Variants in PCDHGA3 observed in about 807,000 individuals in gnomAD.
The protein encoded by PCDHGA3 is protocadherin gamma subfamily A, 3.
In PCDHGA3, 40 loss-of-function variants were observed where a neutral mutation model predicts 58.5. That is an observed-to-expected ratio of 0.68 (90% CI 0.53 to 0.89). The LOEUF (loss-of-function observed/expected upper bound fraction) is 0.89, where lower values mean the gene tolerates loss of function less well. PCDHGA3 is among the 40% of genes least tolerant of loss of function. The pLI, the probability that PCDHGA3 is intolerant of heterozygous loss-of-function variation, is 0.00. For synonymous variants in PCDHGA3, 530 were observed against 525.7 expected (o/e 1.01, Z -0.11); for missense variants, 1,223 against 1,195.9 (o/e 1.02, Z -0.33).
At chr5:141,347,597 G>A (rs2149745917) in intron 1 of PCDHGA3, among the ~76,000 whole-genome samples, 2 of 152,154 alleles carry the variant, frequency 1.3e-5, no homozygotes, top group South Asian at 4.2e-4. Context: ...GAACACCCTG[G>A]CCAACATGGT....
chr5:141,445,134 A>G lies in PCDHGA3; in HGVS notation c.2425-49673A>G, dbSNP rs900226020. ...TTGTAAATAGTATTTTTAAAATTGT[A>G]TCTTCTAATTGTTCATTTCTAGTTT... On this transcript the variant is annotated intron_variant, in intron 1 of 3. Transcript: ENST00000253812. Among the ~76,000 whole-genome samples, 174 of 152,316 alleles carry G rather than the reference A, an allele frequency of 1.1e-3. 4 individuals carry two copies. The highest frequency in any genetic ancestry group is 5.3e-4 in the Non-Finnish European group (36 of 68,016).
chr5:141,455,859 TATTA>T (rs2098833777), intron 1 of PCDHGA3, among the ~76,000 whole-genome samples: 1 of 143,846 alleles, frequency 7.0e-6, no homozygotes, highest in African/African-American at 2.5e-5. Flanking sequence ...TAATTTCTTT[TATTA>T]TTTATTTATT....
At chr5:141,364,907 G>A (rs779210025) in intron 1 of PCDHGA3, 37 of 1,613,968 alleles carry the variant, frequency 2.3e-5, no homozygotes, top group Non-Finnish European at 3.1e-5. Flanking sequence ...AAAGTATCCG[G>A]AGCTGGTGTT....
At chr5:141,352,177 G>A (rs892011345) in intron 1 of PCDHGA3, 7 of 1,613,758 alleles carry the variant, frequency 4.3e-6, no homozygotes, top group African/African-American at 4.0e-5. Context: ...AGCGCCTGCT[G>A]GTCGCTGTGC....
intron 1 of PCDHGA3, 138 bp from the exon 2 acceptor site, chr5:141,494,669 T>A: frequency 6.5e-7 from 1 of 1,527,472 alleles, no homozygotes; most frequent in South Asian, 1.2e-5. Context: ...TGGAGATGAG[T>A]CCACCCCTGC....
intron 1 of PCDHGA3, chr5:141,357,295 G>T (rs774772455): frequency 6.2e-7 from 1 of 1,613,930 alleles, no homozygotes; most frequent in South Asian, 1.1e-5. Flanking sequence ...GGCAGTGGCC[G>T]CTGTCTCCTG....
Position 141,493,435 on chromosome 5 carries a change from G to T in PCDHGA3, c.2425-1372G>T, listed in dbSNP as rs150678406. On this transcript the variant is annotated intron_variant, in intron 1 of 3. Coordinates refer to ENST00000253812, the MANE Select transcript of PCDHGA3 (RefSeq NM_018916.4). The surrounding 1 kb of genome is among the most constrained non-coding windows in gnomAD (Gnocchi z 4.3). ...TGGGATTTTGCTTCTGCTGGGATGG[G>T]GCAAGGGTGGGGTTCCTTCCCTTTT... Among the ~76,000 whole-genome samples the T allele has an allele frequency of 6.6e-5, 10 of 152,294 alleles. No individual in the cohort carries two copies. In the East Asian group the frequency reaches 1.7e-3, roughly 26 times the overall value.
chr5:141,434,838 A>G (rs1363952147), intron 1 of PCDHGA3, among the ~76,000 whole-genome samples: 1 of 152,022 alleles, frequency 6.6e-6, no homozygotes, highest in Non-Finnish European at 1.5e-5. Context: ...GGCATTTATA[A>G]AGCAGACATC....
intron 1 of PCDHGA3, chr5:141,413,459 A>G: frequency 6.2e-7 from 1 of 1,614,080 alleles, no homozygotes; most frequent in Non-Finnish European, 8.5e-7. Flanking sequence ...GGCAGGATAG[A>G]CCGGGAGGAG....
intron 1 of PCDHGA3, chr5:141,409,838 G>T: frequency 6.2e-7 from 1 of 1,611,532 alleles, no homozygotes; most frequent in Non-Finnish European, 8.5e-7. Context: ...CAGCGCCAAC[G>T]TGAGCCTGCG....
At chr5:141,365,117 A>G (rs764671143) in intron 1 of PCDHGA3, 2 of 1,613,924 alleles carry the variant, frequency 1.2e-6, no homozygotes, top group Non-Finnish European at 1.7e-6. Flanking sequence ...TCGGCTGCTC[A>G]TGCTAACCGC....
chr5:141,418,862 G>C (rs749632113), intron 1 of PCDHGA3: 1 of 1,613,994 alleles, frequency 6.2e-7, no homozygotes, highest in Non-Finnish European at 8.5e-7. Context: ...TAAAGTAATT[G>C]TAGAAGTTGT....
intron 1 of PCDHGA3, among the ~76,000 whole-genome samples, chr5:141,483,276 TA>T (rs755290434): frequency 2.2e-4 from 33 of 152,238 alleles, no homozygotes; most frequent in Non-Finnish European, 3.8e-4. Context: ...TTAGAAATAT[TA>T]TTCTGTCAGT....
In PCDHGA3 at chr5:141,413,451, C is replaced by T. The variant is rs1561742650; in HGVS notation, c.2424+66994C>T. 6.2e-6 allele frequency: 10 copies of T among 1,614,118 alleles called. No homozygotes were observed. The South Asian group carries it at 1.1e-4, about 18-fold the overall frequency. ...GCAGCGGCAGCTTGATCACCGCGGGCAGGATAGACCGGGAGGAGCTCTGCG... is the reference window on the plus strand; with the variant it reads ...GCAGCGGCAGCTTGATCACCGCGGGTAGGATAGACCGGGAGGAGCTCTGCG... On this transcript the variant is annotated intron_variant, in intron 1 of 3. Transcript: ENST00000253812.
chr5:141,416,016 G>C (rs190922355), intron 1 of PCDHGA3: 29 of 227,390 alleles, frequency 1.3e-4, no homozygotes, highest in Non-Finnish European at 2.2e-4. Context: ...GAATAGGTAA[G>C]TATCAGAAAG....
At position 141,478,876 on chromosome 5, in the gene PCDHGA3, C is replaced by A. The variant is rs2099482470; in HGVS notation, c.2425-15931C>A. 30 of 1,265,748 alleles carry A rather than the reference C, an allele frequency of 2.4e-5. No individual in the cohort carries two copies. The South Asian group carries it at 4.7e-4, about 20-fold the overall frequency. 78.4% of individuals were successfully genotyped at this position (1,265,748 alleles called of 1,614,324 possible). On this transcript the variant is annotated intron_variant, in intron 1 of 3. Transcript: ENST00000253812. ...CAAGATCTCAGCGATCAGAGTTTAGCTTGGTATCATTTACATTAGGAATAA... is the reference window on the plus strand; with the variant it reads ...CAAGATCTCAGCGATCAGAGTTTAGATTGGTATCATTTACATTAGGAATAA...
Position 141,423,601 on chromosome 5 carries a change from C to T in PCDHGA3, c.2425-71206C>T, listed in dbSNP as rs372165060. On this transcript the variant is annotated intron_variant, in intron 1 of 3. Transcript: ENST00000253812. The stretch of plus-strand genomic sequence containing the variant: ...GGAGAGCTGTGAGAAAAGCGAGCCA[C>T]TCTTGATAGCTGAAGACTCAGCTAT... The T allele has an allele frequency of 1.9e-6, 3 of 1,612,586 alleles. No homozygotes were observed. Among genetic ancestry groups the T allele is most frequent in the Admixed American group, 1.7e-5 (1 of 59,924 alleles).
chr5:141,462,471 C>T (rs1464947091), intron 1 of PCDHGA3, among the ~76,000 whole-genome samples: 1 of 152,020 alleles, frequency 6.6e-6, no homozygotes, highest in East Asian at 1.9e-4. Context: ...GTGTATTCTG[C>T]TTCTCGTGGT....
At position 141,375,343 on chromosome 5, in the gene PCDHGA3, C is replaced by T. The variant is rs114810218; in HGVS notation, c.2424+28886C>T. 5.4e-3 allele frequency: 8,654 copies of T among 1,613,832 alleles called. 30 individuals are homozygous for T. Among genetic ancestry groups the T allele is most frequent in the Non-Finnish European group, 6.4e-3 (7,546 of 1,179,894 alleles). The stretch of plus-strand genomic sequence containing the variant: ...GGGAAGAGGTATTCTTGTACAACAT[C>T]ACTGTGACAGCCACGGACAAAGGAA... On this transcript the variant is annotated intron_variant, in intron 1 of 3. Transcript: ENST00000253812.
Sources: gnomAD v4.1 joint callset for allele counts (sites outside exome capture counted in the v4.1 genomes callset) on GRCh38, gnomAD v4.1.1 for gene constraint, Gnocchi (gnomAD v3.1) non-coding constraint, MANE v1.5 for transcripts, NCBI Gene and HGNC (gene_info 2026-07-23, HGNC 2026-07-21) for gene names.